The following SLC4A10 variants were observed in gnomAD, a reference collection of about 807,000 sequenced individuals.
SLC4A10 encodes the protein sodium-driven chloride bicarbonate exchanger.
SLC4A10 carries 42 observed loss-of-function variants against 137.7 expected under a neutral mutation model. The ratio of observed to expected loss-of-function variants is 0.30; its 90% CI spans 0.24 to 0.39. SLC4A10 has a LOEUF of 0.39. Ranked by LOEUF, SLC4A10 falls within the 10% of genes least tolerant of loss-of-function variation. The pLI, the probability that SLC4A10 is intolerant of heterozygous loss-of-function variation, is 1.00. For synonymous variants in SLC4A10, 474 were observed against 464.1 expected (o/e 1.02, Z -0.27); for missense variants, 925 against 1,355.0 (o/e 0.68, Z 4.98).
At chr2:161,649,565 AATTAT>A (rs2036516965) in intron 1 of SLC4A10, among the ~76,000 whole-genome samples, 2 of 152,118 alleles carry the variant, frequency 1.3e-5, no homozygotes, top group Admixed American at 1.3e-4. Context: ...TTTGTTTATT[AATTAT>A]ATTTCAAATC....
At chr2:161,979,801 A>AC (rs1210687014) in intron 26 of SLC4A10, among the ~76,000 whole-genome samples, 2 of 151,944 alleles carry the variant, frequency 1.3e-5, no homozygotes, top group East Asian at 3.9e-4. Flanking sequence ...AGCCTTTGAC[A>AC]CCCCCCATTC....
intron 1 of SLC4A10, among the ~76,000 whole-genome samples, chr2:161,650,312 CT>C (rs947375158): frequency 4.6e-5 from 7 of 152,242 alleles, no homozygotes; most frequent in African/African-American, 1.7e-4. Context: ...GGTGAGGCGT[CT>C]TTTTTCATTA....
intron 3 of SLC4A10, among the ~76,000 whole-genome samples, chr2:161,817,883 C>T (rs1015169295): frequency 2.0e-5 from 3 of 151,708 alleles, no homozygotes; most frequent in Non-Finnish European, 4.4e-5. Flanking sequence ...GTTACTGTAG[C>T]CTTGTAGTAT....
At chr2:161,688,677 G>A (rs1462470651) in intron 1 of SLC4A10, among the ~76,000 whole-genome samples, 1 of 152,098 alleles carries the variant, frequency 6.6e-6, no homozygotes, top group East Asian at 1.9e-4. Context: ...CCTTTCTTTA[G>A]TCTTCCATTT....
At chr2:161,882,585 C>A in intron 10 of SLC4A10, 141 bp downstream of exon 10, 1 of 474,740 alleles carries the variant, frequency 2.1e-6, no homozygotes, top group Non-Finnish European at 3.7e-6. Flanking sequence ...GCTATAAAAT[C>A]TCCTTTAGAA....
intron 1 of SLC4A10, among the ~76,000 whole-genome samples, chr2:161,766,862 T>C (rs1039615883): frequency 5.3e-5 from 8 of 151,418 alleles, no homozygotes; most frequent in African/African-American, 1.9e-4. Flanking sequence ...TACATTTCTT[T>C]AACTCTGATT....
chr2:161,937,628 T>C (rs754970630), intron 15 of SLC4A10, among the ~76,000 whole-genome samples: 4 of 152,218 alleles, frequency 2.6e-5, no homozygotes, highest in African/African-American at 7.2e-5. Context: ...ATTGGCTACT[T>C]AAGATTTCTC....
At chr2:161,674,147 T>C (rs955098513) in intron 1 of SLC4A10, among the ~76,000 whole-genome samples, 2 of 152,164 alleles carry the variant, frequency 1.3e-5, no homozygotes, top group Non-Finnish European at 2.9e-5. Context: ...ATTTGTCAAC[T>C]CCTAAGAAGG....
intron 19 of SLC4A10, among the ~76,000 whole-genome samples, chr2:161,955,637 T>C (rs1695523654): frequency 6.6e-6 from 1 of 152,158 alleles, no homozygotes. Context: ...GGAAAGAAAG[T>C]ACAACTGACT....
chr2:161,847,410 T>G (rs932715717), intron 4 of SLC4A10, among the ~76,000 whole-genome samples: 1 of 151,968 alleles, frequency 6.6e-6, no homozygotes, highest in African/African-American at 2.4e-5. Flanking sequence ...GGGTAAATTG[T>G]GTGTTACAGG....
At chr2:161,968,328 G>T (rs564099942) in intron 23 of SLC4A10, among the ~76,000 whole-genome samples, 2 of 152,156 alleles carry the variant, frequency 1.3e-5, no homozygotes, top group South Asian at 4.1e-4. Context: ...ATAGGGCAGA[G>T]AACATATGTA....
rs757883905 is a variant in SLC4A10, at chr2:161,873,985, C to T, written c.928C>T (p.Pro310Ser). Reference sequence around the variant, plus strand: ...GAAACAAAGGCATGAAAAAGGACCTCCACACCAGCAAGAGAGAGAGGTGAG... The same window carrying T: ...GAAACAAAGGCATGAAAAAGGACCTTCACACCAGCAAGAGAGAGAGGTGAG... ...GMKQRHEKGP[P>S]HQQEREVDLH... Residue 310 changes from proline (P) to serine (S), a missense_variant, in exon 8 of 27, where the codon CCA (proline) becomes TCA (serine). Pro to Ser is a moderately conservative substitution (Grantham distance 74). Around this residue, in one of 11 missense-constraint regions of SLC4A10, gnomAD observed 277 missense variants for 306.1 expected, o/e 0.90. Coordinates refer to ENST00000446997, the MANE Select transcript of SLC4A10 (RefSeq NM_001178015.2). The T allele has an allele frequency of 6.3e-7, 1 of 1,591,670 alleles. No homozygotes were observed. Among genetic ancestry groups the T allele is most frequent in the African/African-American group, 1.3e-5 (1 of 74,782 alleles).
chr2:161,872,237 T>G, intron 6 of SLC4A10, 56 bp from the exon 7 acceptor site: 1 of 1,359,610 alleles, frequency 7.4e-7, no homozygotes, highest in East Asian at 2.3e-5. Flanking sequence ...TTTCACTCAG[T>G]ATGTCTACAA....
At chr2:161,945,908 A>G (rs926517269) in intron 16 of SLC4A10, among the ~76,000 whole-genome samples, 10 of 151,962 alleles carry the variant, frequency 6.6e-5, no homozygotes, top group Non-Finnish European at 1.2e-4. Flanking sequence ...ATGACAAAAG[A>G]TGCTCACAAA....
chr2:161,928,448 A>C (rs1342174232), intron 15 of SLC4A10, among the ~76,000 whole-genome samples: 2 of 150,820 alleles, frequency 1.3e-5, no homozygotes, highest in Admixed American at 6.6e-5. Flanking sequence ...GGTGCAGCAC[A>C]CCAGCATGGC....
rs1401179261 is a variant in SLC4A10, at chr2:161,719,016, T to C, written c.49-51957T>C. Among the ~76,000 whole-genome samples, 5 of 152,184 alleles carry C rather than the reference T, an allele frequency of 3.3e-5. No homozygotes were observed. In the East Asian group the frequency reaches 7.7e-4, roughly 23 times the overall value. On this transcript the variant is annotated intron_variant, in intron 1 of 26. Coordinates refer to ENST00000446997, the MANE Select transcript of SLC4A10 (RefSeq NM_001178015.2). Reference sequence around the variant, plus strand: ...GTGCTGCACCCATTAACTCGTCATTTAGCATTAGTTATATCTCCTAATGCT... The same window carrying C: ...GTGCTGCACCCATTAACTCGTCATTCAGCATTAGTTATATCTCCTAATGCT...
intron 1 of SLC4A10, among the ~76,000 whole-genome samples, chr2:161,635,247 T>C (rs1033584423): frequency 1.3e-5 from 2 of 152,064 alleles, no homozygotes; most frequent in African/African-American, 4.8e-5. Flanking sequence ...TAATTTCTCA[T>C]TGAAACTCCC....
chr2:161,759,387 T>C lies in SLC4A10; in HGVS notation c.49-11586T>C, dbSNP rs541041685. On this transcript the variant is annotated intron_variant, in intron 1 of 26. Coordinates refer to ENST00000446997, the MANE Select transcript of SLC4A10 (RefSeq NM_001178015.2). ...CAAATTTCAAGTAAACAATACAATA[T>C]TATTAACTATAGTCATCATGCTCCA... 2.6e-5 allele frequency among the ~76,000 whole-genome samples: 4 copies of C among 152,086 alleles called. No individual in the cohort carries two copies. The East Asian group carries it at 7.7e-4, about 29-fold the overall frequency.
intron 2 of SLC4A10, among the ~76,000 whole-genome samples, chr2:161,771,554 C>G (rs1157846782): frequency 6.6e-6 from 1 of 151,858 alleles, no homozygotes; most frequent in East Asian, 1.9e-4. Flanking sequence ...TGAAACCAGA[C>G]TGCAGTGGAT....
Sources: gnomAD v4.1 joint callset for allele counts (sites outside exome capture counted in the v4.1 genomes callset) on GRCh38, gnomAD v4.1.1 for gene constraint, gnomAD v4.1.1 regional missense constraint, MANE v1.5 for transcripts, NCBI Gene and HGNC (gene_info 2026-07-23, HGNC 2026-07-21) for gene names.